RUNX2: variants seen among roughly 807,000 people sequenced by gnomAD.
RUNX2 encodes the protein RUNX family transcription factor 2.
RUNX2 carries 10 observed loss-of-function variants against 51.7 expected under a neutral mutation model. The ratio of observed to expected loss-of-function variants is 0.19; its 90% CI spans 0.12 to 0.33. The LOEUF is 0.33. Among genes scored for constraint, RUNX2 ranks in the 10% least tolerant of loss-of-function variants. RUNX2 has a pLI of 1.00. For synonymous variants in RUNX2, 276 were observed against 273.6 expected (o/e 1.01, Z -0.09); for missense variants, 562 against 691.3 (o/e 0.81, Z 2.10).
chr6:45,501,963 T>G (rs1227857161), intron 6 of RUNX2, among the ~76,000 whole-genome samples: 1 of 152,198 alleles, frequency 6.6e-6, no homozygotes, highest in Non-Finnish European at 1.5e-5. Context: ...CCTAGTGTAT[T>G]TTGTGTCGTA....
intron 2 of RUNX2, among the ~76,000 whole-genome samples, chr6:45,401,887 C>T (rs951789532): frequency 1.3e-5 from 2 of 152,238 alleles, no homozygotes; most frequent in African/African-American, 4.8e-5. Flanking sequence ...ACAAACAAAA[C>T]TCATGTATCC....
At chr6:45,416,573 C>A (rs1336681325) in intron 2 of RUNX2, among the ~76,000 whole-genome samples, 1 of 152,174 alleles carries the variant, frequency 6.6e-6, no homozygotes, top group Admixed American at 6.5e-5. Context: ...ATATAACATT[C>A]CACTGCTGCT....
intron 7 of RUNX2, among the ~76,000 whole-genome samples, chr6:45,521,663 A>C (rs565541660): frequency 6.6e-6 from 1 of 152,322 alleles, no homozygotes; most frequent in Non-Finnish European, 1.5e-5. Flanking sequence ...ATCATTTCTC[A>C]TAGTCTTATC....
At chr6:45,469,141 C>T (rs1257479708) in intron 5 of RUNX2, among the ~76,000 whole-genome samples, 2 of 152,150 alleles carry the variant, frequency 1.3e-5, no homozygotes, top group Non-Finnish European at 2.9e-5. Flanking sequence ...CATACTGCTT[C>T]ATGTTAGTTA....
At chr6:45,350,292 T>C (rs572673582) in intron 2 of RUNX2, among the ~76,000 whole-genome samples, 1 of 152,342 alleles carries the variant, frequency 6.6e-6, no homozygotes, top group East Asian at 1.9e-4. Context: ...AAAAAACATT[T>C]GTATATAATA....
At chr6:45,535,331 G>A (rs1424207390) in intron 7 of RUNX2, among the ~76,000 whole-genome samples, 4 of 152,190 alleles carry the variant, frequency 2.6e-5, no homozygotes, top group Admixed American at 2.0e-4. Flanking sequence ...TGGGCCGGGG[G>A]CAGTGGCTCA....
chr6:45,356,291 T>A (rs1370299503), intron 2 of RUNX2, among the ~76,000 whole-genome samples: 1 of 152,142 alleles, frequency 6.6e-6, no homozygotes. Flanking sequence ...TTTGAATATA[T>A]ATTTTTTATA....
intron 5 of RUNX2, among the ~76,000 whole-genome samples, chr6:45,458,703 C>A (rs999832305): frequency 1.3e-5 from 2 of 152,116 alleles, no homozygotes; most frequent in African/African-American, 4.8e-5. Flanking sequence ...CTGAATGGAC[C>A]TTTCAAGGTT....
chr6:45,513,987 A>C (rs1801243162), intron 7 of RUNX2, among the ~76,000 whole-genome samples: 1 of 152,176 alleles, frequency 6.6e-6, no homozygotes, highest in South Asian at 2.1e-4. Flanking sequence ...TTTGTTTTAC[A>C]TAGGGCCGAA....
intron 2 of RUNX2, among the ~76,000 whole-genome samples, chr6:45,351,553 T>A (rs1324515705): frequency 2.0e-5 from 3 of 152,172 alleles, no homozygotes; most frequent in Admixed American, 1.3e-4. Context: ...ACGATGAGAT[T>A]TCCAAGGTGA....
intron 2 of RUNX2, among the ~76,000 whole-genome samples, chr6:45,330,825 C>T (rs545208139): frequency 6.6e-6 from 1 of 151,916 alleles, no homozygotes; most frequent in African/African-American, 2.4e-5. Flanking sequence ...GAATAGAGAA[C>T]TTAACATCAA....
chr6:45,544,703 G>A (rs1802339968), intron 7 of RUNX2, among the ~76,000 whole-genome samples: 1 of 152,186 alleles, frequency 6.6e-6, no homozygotes. Flanking sequence ...GCCCATCGCT[G>A]TTAGTTCTGC....
intron 2 of RUNX2, among the ~76,000 whole-genome samples, chr6:45,406,353 G>T (rs1270249900): frequency 6.6e-6 from 1 of 152,098 alleles, no homozygotes; most frequent in African/African-American, 2.4e-5. Flanking sequence ...TCAGGTAAAG[G>T]TTGGGCCCAT....
rs566470922 is a variant in RUNX2, at chr6:45,546,581, A to G, written c.1088-246A>G. On this transcript the variant is annotated intron_variant, in intron 8 of 8. Coordinates refer to ENST00000647337, the MANE Select transcript of RUNX2 (RefSeq NM_001024630.4). Reference sequence around the variant, plus strand: ...GTTGGTTTACACATTGACCTGGCACACATGTGGGTTTTTAAAGCCCTCTGG... The same window carrying G: ...GTTGGTTTACACATTGACCTGGCACGCATGTGGGTTTTTAAAGCCCTCTGG... Among the ~76,000 whole-genome samples, 30 of 152,314 alleles carry G rather than the reference A, an allele frequency of 2.0e-4. No individual in the cohort carries two copies. In the East Asian group the frequency reaches 5.8e-3, roughly 29 times the overall value.
At chr6:45,479,425 G>C (rs962029305) in intron 5 of RUNX2, among the ~76,000 whole-genome samples, 16 of 152,132 alleles carry the variant, frequency 1.1e-4, no homozygotes, top group African/African-American at 3.9e-4. Context: ...GATGTCATGG[G>C]GCAGAGTATA....
At chr6:45,405,336 A>G (rs965165573) in intron 2 of RUNX2, among the ~76,000 whole-genome samples, 1 of 152,226 alleles carries the variant, frequency 6.6e-6, no homozygotes, top group African/African-American at 2.4e-5. Flanking sequence ...GGAGCTAAAC[A>G]ATTTTGTGCC....
At chr6:45,480,398 G>T (rs1800078762) in intron 5 of RUNX2, among the ~76,000 whole-genome samples, 1 of 152,120 alleles carries the variant, frequency 6.6e-6, no homozygotes, top group African/African-American at 2.4e-5. Context: ...GACGTCTCTT[G>T]TTTAATCATG....
At chr6:45,459,260 G>C (rs1799406000) in intron 5 of RUNX2, among the ~76,000 whole-genome samples, 1 of 152,180 alleles carries the variant, frequency 6.6e-6, no homozygotes, top group Non-Finnish European at 1.5e-5. Context: ...TTCCCACAGA[G>C]CAGAGATATA....
At chr6:45,417,831 A>T (rs1211070211) in intron 2 of RUNX2, among the ~76,000 whole-genome samples, 1 of 152,212 alleles carries the variant, frequency 6.6e-6, no homozygotes, top group Non-Finnish European at 1.5e-5. Context: ...TACTATGAAT[A>T]TTATTCTTTT....
Sources: allele counts gnomAD v4.1 joint callset (sites outside exome capture counted in the v4.1 genomes callset), GRCh38; gene constraint gnomAD v4.1.1; transcripts MANE v1.5; gene names NCBI Gene and HGNC (gene_info 2026-07-23, HGNC 2026-07-21).